PIGN: variants seen among roughly 807,000 people sequenced by gnomAD.
PIGN encodes the protein GPI ethanolamine phosphate transferase 1.
A neutral mutation model predicts 125.4 loss-of-function variants in PIGN; 117 were observed. That is an observed-to-expected ratio of 0.93 (90% CI 0.80 to 1.09). The LOEUF is 1.09. Ranked by LOEUF, PIGN falls within the 50% of genes least tolerant of loss-of-function variation. PIGN has a pLI of 0.00. For missense variants in PIGN, 1,075 were observed against 1,094.9 expected (o/e 0.98, Z 0.26); for synonymous variants, 392 against 377.8 (o/e 1.04, Z -0.44).
At chr18:62,142,151 G>C (rs149127470) in intron 11 of PIGN, among the ~76,000 whole-genome samples, 282 of 152,232 alleles carry the variant, frequency 1.9e-3, no homozygotes, top group Non-Finnish European at 3.1e-3. Context: ...TTACCCCTAA[G>C]GTATACATTT....
At chr18:62,054,055 T>C (rs576695209) in intron 30 of PIGN, among the ~76,000 whole-genome samples, 2 of 151,752 alleles carry the variant, frequency 1.3e-5, no homozygotes, top group Admixed American at 1.3e-4. Flanking sequence ...GTAATGAAAA[T>C]AAAAAACCAA....
At chr18:62,057,021 C>T (rs2031782395) in intron 30 of PIGN, among the ~76,000 whole-genome samples, 1 of 152,188 alleles carries the variant, frequency 6.6e-6, no homozygotes. Flanking sequence ...CCCTTCACCC[C>T]ATCCGTGGAA....
At chr18:62,047,047 G>C (rs780856501) in intron 30 of PIGN, among the ~76,000 whole-genome samples, 1 of 152,222 alleles carries the variant, frequency 6.6e-6, no homozygotes, top group African/African-American at 2.4e-5. Flanking sequence ...CACCACAAGA[G>C]CCTATGCTCG....
At chr18:62,057,172 C>A (rs1241144501) in intron 30 of PIGN, among the ~76,000 whole-genome samples, 1 of 152,156 alleles carries the variant, frequency 6.6e-6, no homozygotes, top group Non-Finnish European at 1.5e-5. Flanking sequence ...TCCTTTACCA[C>A]ACAAATGTGT....
At chr18:62,145,758 C>A in intron 10 of PIGN, 151 bp downstream of exon 10, 4 of 521,158 alleles carry the variant, frequency 7.7e-6, no homozygotes, top group Non-Finnish European at 3.5e-6. Context: ...AAGCCAACAA[C>A]CCCTTGTAGT....
At chr18:62,145,196 A>AG (rs2036279427) in intron 10 of PIGN, among the ~76,000 whole-genome samples, 1 of 152,192 alleles carries the variant, frequency 6.6e-6, no homozygotes, top group Non-Finnish European at 1.5e-5. Context: ...GATGAAAAAA[A>AG]GAGTCCACTA....
intron 5 of PIGN, 75 bp from the exon 6 acceptor site, chr18:62,157,302 A>C (rs2036773882): frequency 1.4e-6 from 1 of 713,706 alleles, no homozygotes; most frequent in Non-Finnish European, 2.4e-6. Context: ...TTCTTCAAAT[A>C]ATAACAATTA....
chr18:62,071,863 C>CATATATATATATATATATATGTATAT (rs2032872627), intron 30 of PIGN, among the ~76,000 whole-genome samples: 4 of 77,606 alleles, frequency 5.2e-5, no homozygotes, highest in African/African-American at 1.8e-4. Flanking sequence ...ACTCCTTTTC[C>CATATATATATATATATATATGTATAT]ATATATATAT....
At position 62,045,578 on chromosome 18, in the gene PIGN, C is replaced by T. The variant is rs945792618; in HGVS notation, c.*278G>A. The T allele has an allele frequency of 3.7e-6, 1 of 267,580 alleles. No homozygotes were observed. Among genetic ancestry groups the T allele is most frequent in the African/African-American group, 2.2e-5 (1 of 44,776 alleles). 16.6% of individuals were successfully genotyped at this position (267,580 alleles called of 1,614,324 possible). A position where few individuals can be genotyped will look rare whatever the true frequency, so the allele number is the denominator to read the frequency against. ...ATTGCTGCAGGTGCTCTCAACATCA[C>T]TGGGAAGAGCTGCCAGCCAAAGGAA... On this transcript the variant is annotated 3_prime_UTR_variant, in exon 31 of 31. Transcript: ENST00000640252.
chr18:62,102,962 T>C, intron 20 of PIGN, 60 bp from the exon 21 acceptor site: 1 of 915,416 alleles, frequency 1.1e-6, no homozygotes, highest in Non-Finnish European at 1.6e-6. Context: ...ACATATCAGA[T>C]GGAAATATGA....
chr18:62,083,052 T>C (rs938764179), intron 27 of PIGN, among the ~76,000 whole-genome samples: 28 of 152,078 alleles, frequency 1.8e-4, no homozygotes, highest in African/African-American at 6.0e-4. Context: ...TTAACCACAA[T>C]GTTCAAAAGA....
At chr18:62,125,451 G>A (rs916095739) in intron 14 of PIGN, among the ~76,000 whole-genome samples, 1 of 151,950 alleles carries the variant, frequency 6.6e-6, no homozygotes, top group East Asian at 1.9e-4. Flanking sequence ...TCAATTATGT[G>A]GCTTTCCATT....
chr18:62,134,307 C>G (rs2035848961), intron 14 of PIGN, among the ~76,000 whole-genome samples: 1 of 152,150 alleles, frequency 6.6e-6, no homozygotes, highest in Admixed American at 6.5e-5. Context: ...AGGAGAATTG[C>G]TTGAACCCAG....
intron 23 of PIGN, among the ~76,000 whole-genome samples, chr18:62,020,762 A>G (rs940078654): frequency 1.3e-5 from 2 of 151,212 alleles, no homozygotes; most frequent in South Asian, 2.1e-4. Context: ...CATCCTGGCT[A>G]ACATGGTGAA....
chr18:62,173,929 T>A (rs925109869), intron 1 of PIGN, among the ~76,000 whole-genome samples: 1 of 152,096 alleles, frequency 6.6e-6, no homozygotes, highest in Non-Finnish European at 1.5e-5. Flanking sequence ...AACTGATCAT[T>A]TCTCGGCCGG....
rs1400389979 is a variant in PIGN at position 62,161,144 on chromosome 18, TG to T, written c.209del (p.Ala70AspfsTer8). The T allele has an allele frequency of 6.2e-7, 1 of 1,607,250 alleles. No homozygotes were observed. The highest frequency in any genetic ancestry group is 1.7e-5 in the Admixed American group (1 of 59,910). ...GTTTACATGCTTACCTAATAAACGGTGCTCTAGAGTTTCCATTTTCATCTAA... is the reference window on the plus strand; with the variant it reads ...GTTTACATGCTTACCTAATAAACGGTCTCTAGAGTTTCCATTTTCATCTAA... The part of the protein sequence containing the change: ...YELDENGNSR[A>X]PFIRNIIMHE... On this transcript the variant is annotated frameshift_variant, in exon 4 of 31. Coordinates refer to ENST00000640252, the MANE Select transcript of PIGN (RefSeq NM_176787.5). LOFTEE classifies it high-confidence loss of function.
At chr18:62,115,743 A>G (rs902261417) in intron 14 of PIGN, among the ~76,000 whole-genome samples, 5 of 152,174 alleles carry the variant, frequency 3.3e-5, no homozygotes, top group Non-Finnish European at 7.3e-5. Context: ...AATTTAAAAT[A>G]TAATTTCAGA....
rs183764005 is a variant in PIGN at position 62,095,782 on chromosome 18, A to C, written c.2180+66T>G. 0.015 allele frequency: 12,399 copies of C among 837,656 alleles called. 125 individuals carry two copies. Among genetic ancestry groups the C allele is most frequent in the Non-Finnish European group, 0.017 (8,672 of 505,304 alleles). The allele number at this position is 837,656 out of a possible 1,614,324, so 51.9% of individuals were successfully genotyped here. ...TTATTTCCAGAAGTTAAATACTAAT[A>C]GAGAAAATATCAATATATCATTTAA... On this transcript the variant is annotated intron_variant, in intron 23 of 30. Coordinates refer to ENST00000640252, the MANE Select transcript of PIGN (RefSeq NM_176787.5).
chr18:62,148,718 T>A (rs942238593), intron 7 of PIGN, among the ~76,000 whole-genome samples: 3 of 152,140 alleles, frequency 2.0e-5, no homozygotes, highest in Non-Finnish European at 4.4e-5. Flanking sequence ...TTTATTTTTT[T>A]AAATATTTCA....
Sources: gnomAD v4.1 joint callset for allele counts (sites outside exome capture counted in the v4.1 genomes callset) on GRCh38, gnomAD v4.1.1 for gene constraint, MANE v1.5 for transcripts, NCBI Gene and HGNC (gene_info 2026-07-23, HGNC 2026-07-21) for gene names.